The following DNAH10 variants were observed in gnomAD, a reference collection of about 807,000 sequenced individuals.
The protein encoded by DNAH10 is dynein axonemal heavy chain 10.
Under a neutral mutation model 506.6 loss-of-function variants are expected in DNAH10, and 348 were observed. That is an observed-to-expected ratio of 0.69 (90% CI 0.63 to 0.75). The LOEUF (loss-of-function observed/expected upper bound fraction) is 0.75. Ranked by LOEUF, DNAH10 falls within the 30% of genes least tolerant of loss-of-function variation. The pLI, the probability that DNAH10 is intolerant of heterozygous loss-of-function variation, is 0.00. For missense variants in DNAH10, 5,179 were observed against 5,787.1 expected, an observed-to-expected ratio of 0.89 and a Z score of 3.41; for synonymous variants, 2,059 against 2,198.6, an observed-to-expected ratio of 0.94 and a Z score of 1.78.
At chr12:123,875,596 A>G in intron 47 of DNAH10, 105 bp downstream of exon 47, 1 of 1,380,338 alleles carries the variant, frequency 7.2e-7, no homozygotes. Flanking sequence ...TAGGGCCCTC[A>G]ATACTTTTAA....
At chr12:123,921,714 TTTTTTTTTTTTTTTTTTG>T (rs1222553132) in intron 65 of DNAH10, among the ~76,000 whole-genome samples, 5 of 127,522 alleles carry the variant, frequency 3.9e-5, no homozygotes, top group East Asian at 2.3e-4. Flanking sequence ...TTTTTTTTTT[TTTTTTTTTTTTTTTTTTG>T]AGACAGAATG....
At chr12:123,912,447 G>A (rs1471102606) in intron 59 of DNAH10, among the ~76,000 whole-genome samples, 1 of 67,626 alleles carries the variant, frequency 1.5e-5, no homozygotes, top group Non-Finnish European at 2.6e-5. Flanking sequence ...GGTCTGTCCT[G>A]GGGGGTCTGT....
At chr12:123,898,498 G>A (rs576605762) in intron 55 of DNAH10, among the ~76,000 whole-genome samples, 155 bp from the exon 56 acceptor site, 113 of 152,380 alleles carry the variant, frequency 7.4e-4, no homozygotes, top group African/African-American at 2.3e-3. Flanking sequence ...GGCTGATGCT[G>A]TCCCAAGTAT....
At chr12:123,855,277 G>C (rs1951340271) in intron 36 of DNAH10, among the ~76,000 whole-genome samples, 1 of 152,138 alleles carries the variant, frequency 6.6e-6, no homozygotes, top group South Asian at 2.1e-4. Flanking sequence ...AGACAACATA[G>C]AGACGCTTGC....
intron 12 of DNAH10, among the ~76,000 whole-genome samples, chr12:123,794,465 G>A (rs1288322618): frequency 1.3e-5 from 2 of 152,156 alleles, no homozygotes; most frequent in Non-Finnish European, 2.9e-5. Context: ...CTCAAGTATG[G>A]TGTTAGGCAC....
Position 123,787,680 on chromosome 12 carries a change from G to A in DNAH10, c.1422-124G>A. The A allele has an allele frequency of 8.8e-7, 1 of 1,135,854 alleles. No homozygotes were observed. The highest frequency in any genetic ancestry group is 1.3e-6 in the Non-Finnish European group (1 of 791,496). 70.4% of individuals were successfully genotyped at this position (1,135,854 alleles called of 1,614,324 possible). ...TTGCCCGCTCTGCCTTTTCCGATGA[G>A]GCCGTGAAACCAGGGGGGGCGCCCG... is the stretch of plus-strand genomic sequence containing the variant. On this transcript the variant is annotated intron_variant, in intron 9 of 78. Coordinates refer to ENST00000673944, the MANE Select transcript of DNAH10 (RefSeq NM_001372106.1). This position sits in a 1 kb window ranked among gnomAD's most constrained non-coding sequence, Gnocchi z 4.6.
At chr12:123,847,843 A>G in intron 32 of DNAH10, 118 bp from the exon 33 acceptor site, 1 of 1,380,484 alleles carries the variant, frequency 7.2e-7, no homozygotes. Context: ...GACACATGAA[A>G]GCAAACACCA....
intron 57 of DNAH10, among the ~76,000 whole-genome samples, chr12:123,908,123 T>C (rs1262352860): frequency 1.3e-5 from 2 of 150,512 alleles, no homozygotes. Context: ...CCTGTCTCTC[T>C]GTCTCCTCCC....
At chr12:123,818,768 CATGT>C (rs1959188530) in intron 21 of DNAH10, among the ~76,000 whole-genome samples, 178 bp from the exon 22 acceptor site, 1 of 152,304 alleles carries the variant, frequency 6.6e-6, no homozygotes, top group South Asian at 2.1e-4. Flanking sequence ...AGCCATGAGC[CATGT>C]AATCCCAGTC....
rs1214515452 is a variant in DNAH10 at position 123,928,261 on chromosome 12, C to T, written c.12106-126C>T. The T allele has an allele frequency of 1.9e-6, 2 of 1,075,458 alleles. No individual in the cohort carries two copies. Among genetic ancestry groups the T allele is most frequent in the African/African-American group, 1.6e-5 (1 of 63,174 alleles). The allele number at this position is 1,075,458 out of a possible 1,614,324, so 66.6% of individuals were successfully genotyped here. A position where few individuals can be genotyped will look rare whatever the true frequency, so the allele number is the denominator to read the frequency against. ...AGGCTCCACCTGTAGCTCCTGGATCCTCGGCTTGCTTTTGGCTTCTGCTGG... is the reference window on the plus strand; with the variant it reads ...AGGCTCCACCTGTAGCTCCTGGATCTTCGGCTTGCTTTTGGCTTCTGCTGG... On this transcript the variant is annotated intron_variant, in intron 69 of 78. Coordinates refer to ENST00000673944, the MANE Select transcript of DNAH10 (RefSeq NM_001372106.1). This position sits in a 1 kb window ranked among gnomAD's most constrained non-coding sequence, Gnocchi z 4.9.
intron 46 of DNAH10, among the ~76,000 whole-genome samples, chr12:123,874,911 GTCCA>G (rs1435241934): frequency 6.6e-6 from 1 of 150,786 alleles, no homozygotes; most frequent in Non-Finnish European, 1.5e-5. Context: ...TCGTCCATCT[GTCCA>G]TCCATCCATC....
chr12:123,879,506 C>A lies in DNAH10; in HGVS notation c.8467-128C>A, dbSNP rs927639477. On this transcript the variant is annotated intron_variant, in intron 49 of 78. Coordinates refer to ENST00000673944, the MANE Select transcript of DNAH10 (RefSeq NM_001372106.1). Reference sequence around the variant, plus strand: ...GGAGGGTGGGTGGGTTATTAAGCGTCTTGCAGCAACTGAAAAAAAATAGAA... The same window carrying A: ...GGAGGGTGGGTGGGTTATTAAGCGTATTGCAGCAACTGAAAAAAAATAGAA... The A allele has an allele frequency of 1.6e-5, 24 of 1,482,032 alleles. No individual in the cohort carries two copies. The African/African-American group carries it at 3.4e-4, about 21-fold the overall frequency. The allele number at this position is 1,482,032 out of a possible 1,614,324, so 91.8% of individuals were successfully genotyped here.
chr12:123,915,075 C>T (rs546223000), intron 62 of DNAH10, 76 bp downstream of exon 62: 63 of 1,488,894 alleles, frequency 4.2e-5, no homozygotes, highest in South Asian at 1.1e-4. Flanking sequence ...GCCTCCTGTA[C>T]GTGGCAGTCC....
In DNAH10 at chr12:123,838,720, G is replaced by A. The variant is rs201054886; in HGVS notation, c.5136+31G>A. The stretch of plus-strand genomic sequence containing the variant: ...CCCTCTGGGTGTGCAGGGGCTCCCC[G>A]TGTAAGCCTTAGAACCGCCTTCGGT... On this transcript the variant is annotated intron_variant, in intron 29 of 78. Transcript: ENST00000673944. 112 of 1,596,168 alleles carry A rather than the reference G, an allele frequency of 7.0e-5. No homozygotes were observed. The African/African-American group carries it at 7.5e-4, about 11-fold the overall frequency.
chr12:123,783,259 C>T lies in DNAH10; in HGVS notation c.994C>T (p.Pro332Ser). 1 of 1,613,878 alleles carries T rather than the reference C, an allele frequency of 6.2e-7. No homozygotes were observed. Among genetic ancestry groups the T allele is most frequent in the Non-Finnish European group, 8.5e-7 (1 of 1,180,006 alleles). The change falls in exon 7 of 79, where the codon CCT becomes TCT. Residue 332 changes from proline (P) to serine (S), a missense_variant. Pro to Ser is a moderately conservative substitution (Grantham distance 74, BLOSUM62 -1). Coordinates refer to ENST00000673944, the MANE Select transcript of DNAH10 (RefSeq NM_001372106.1). ...GGTTGAGGCCCAACTGAAGAAGACA[C>T]CTCAGGTAGTTTGTGCAGGGCTTTC... ...TAVEAQLKKT[P>S]QGKGPLAEIE...
At chr12:123,852,830 T>C (rs997577899) in intron 35 of DNAH10, among the ~76,000 whole-genome samples, 1 of 152,198 alleles carries the variant, frequency 6.6e-6, no homozygotes, top group Admixed American at 6.5e-5. Context: ...CACCTTGGCG[T>C]CCCAAAGTGC....
chr12:123,911,096 G>T (rs1250688576), intron 59 of DNAH10, among the ~76,000 whole-genome samples: 1 of 149,584 alleles, frequency 6.7e-6, no homozygotes, highest in African/African-American at 2.5e-5. Flanking sequence ...TGTACTGCCA[G>T]CTACTTGGGA....
At chr12:123,934,871 C>A in intron 78 of DNAH10, 105 bp downstream of exon 78, 1 of 1,446,076 alleles carries the variant, frequency 6.9e-7, no homozygotes, top group Non-Finnish European at 9.4e-7. Context: ...AACAGGGGTG[C>A]CTAAGCTTTA....
In DNAH10 at chr12:123,800,284, G is replaced by T. The variant is rs139287499; in HGVS notation, c.2358G>T (p.Pro786=). 5.5e-5 allele frequency: 89 copies of T among 1,613,916 alleles called. No individual in the cohort carries two copies. Among genetic ancestry groups the T allele is most frequent in the Non-Finnish European group, 7.2e-5 (85 of 1,180,012 alleles). ...CTGTTTTTGCAATCAACTTTTCACC[G>T]GCTCTCAGAGAGATTATTAATGAAA... is the stretch of plus-strand genomic sequence containing the variant. ...RGAVFAINFS[P]ALREIINETK... is the part of the protein sequence containing the mutation. Residue 786 remains proline (P), a synonymous_variant, in exon 15 of 79, where the codon CCG becomes CCT. Coordinates refer to ENST00000673944, the MANE Select transcript of DNAH10 (RefSeq NM_001372106.1).
Sources: allele counts gnomAD v4.1 joint callset (sites outside exome capture counted in the v4.1 genomes callset), GRCh38; gene constraint gnomAD v4.1.1; non-coding constraint Gnocchi (gnomAD v3.1); transcripts MANE v1.5; gene names NCBI Gene and HGNC (gene_info 2026-07-23, HGNC 2026-07-21).